PCDH11X: variants seen among roughly 807,000 people sequenced by gnomAD.
PCDH11X encodes protocadherin-11 X-linked.
PCDH11X carries 18 observed loss-of-function variants against 53.3 expected under a neutral mutation model. The ratio of observed to expected loss-of-function variants is 0.34; its 90% CI spans 0.23 to 0.50. PCDH11X has a LOEUF of 0.50. PCDH11X is among the 20% of genes least tolerant of loss of function. The pLI, the probability that PCDH11X is intolerant of heterozygous loss-of-function variation, is 0.98. For synonymous variants in PCDH11X, 279 were observed against 393.3 expected (o/e 0.71, Z 3.44); for missense variants, 570 against 1,032.4 (o/e 0.55, Z 6.14).
Position 92,114,142 on chromosome X carries a change from G to T in PCDH11X, c.3034-87233G>T, listed in dbSNP as rs1014196683. 41 of 1,177,472 alleles carry T rather than the reference G, an allele frequency of 3.5e-5. No individual in the cohort carries two copies. In the African/African-American group the frequency reaches 6.7e-4, roughly 19 times the overall value. ...CTGCTGAGCCAATTCTCGAGTGGGT[G>T]CTAGGACCAAGGCCTGGGTGGCTTT... is the stretch of plus-strand genomic sequence containing the variant. On this transcript the variant is annotated intron_variant, in intron 6 of 10. Coordinates refer to ENST00000682573, the MANE Select transcript of PCDH11X (RefSeq NM_032968.5).
At chrX:92,512,556 A>G (rs1211714086) in intron 10 of PCDH11X, among the ~76,000 whole-genome samples, 20 of 111,831 alleles carry the variant, frequency 1.8e-4, no homozygotes, top group African/African-American at 3.9e-4. Context: ...AATTACTAGA[A>G]GGATACTTAA....
intron 8 of PCDH11X, among the ~76,000 whole-genome samples, chrX:92,292,491 CTT>C (rs1398365466): frequency 1.8e-5 from 2 of 112,029 alleles, no homozygotes; most frequent in Non-Finnish European, 3.8e-5. Flanking sequence ...ATTCAGAAGA[CTT>C]TTAAAATTAG....
At position 92,006,349 on chromosome X, in the gene PCDH11X, T is replaced by C. The variant is rs368263091; in HGVS notation, c.3033+127076T>C. Among the ~76,000 whole-genome samples the C allele has an allele frequency of 1.0e-4, 11 of 106,733 alleles. No homozygotes were observed. In the East Asian group the frequency reaches 3.3e-3, roughly 32 times the overall value. 92.7% of individuals were successfully genotyped at this position (106,733 alleles called of 115,157 possible). On this transcript the variant is annotated intron_variant, in intron 6 of 10. Transcript: ENST00000682573. ...ATTTTCAAATAGCCTGTCTTCAAGCTCAGTAATTCTTTCTTCTGCTTGATC... is the reference window on the plus strand; with the variant it reads ...ATTTTCAAATAGCCTGTCTTCAAGCCCAGTAATTCTTTCTTCTGCTTGATC...
intron 4 of PCDH11X, among the ~76,000 whole-genome samples, chrX:91,819,082 C>T (rs1936546033): frequency 9.0e-6 from 1 of 111,409 alleles, no homozygotes; most frequent in Non-Finnish European, 1.9e-5. Flanking sequence ...GGTTAATGCA[C>T]TTCTTGATTT....
chrX:92,382,967 C>T (rs750480187), intron 8 of PCDH11X, among the ~76,000 whole-genome samples: 1 of 110,661 alleles, frequency 9.0e-6, no homozygotes, highest in Admixed American at 9.6e-5. Context: ...ATTAGCCTTC[C>T]AGATCAGAGG....
In PCDH11X at chrX:92,155,655, C is replaced by T. The variant is rs368277646; in HGVS notation, c.3034-45720C>T. On this transcript the variant is annotated intron_variant, in intron 6 of 10. Transcript: ENST00000682573. ...TTTTTTTTTTTTCCTGAGACAGAGT[C>T]TCGCTCTGTCGCCCAGCCTGGAGTG... Among the ~76,000 whole-genome samples, 16 of 92,242 alleles carry T rather than the reference C, an allele frequency of 1.7e-4. No individual in the cohort carries two copies. The East Asian group carries it at 5.9e-3, about 34-fold the overall frequency. 80.1% of individuals were successfully genotyped at this position (92,242 alleles called of 115,157 possible).
At chrX:92,450,500 C>T (rs2072757081) in intron 9 of PCDH11X, among the ~76,000 whole-genome samples, 1 of 105,618 alleles carries the variant, frequency 9.5e-6, no homozygotes. Context: ...TTATTACATA[C>T]ACTCTACCAA....
chrX:92,618,771 T>G lies in PCDH11X; in HGVS notation c.3875T>G (p.Val1292Gly). ...WVQGADGLCS[V>G]DQGVQGSATS... ...CAAGGTGCTGATGGGCTATGCTCTG[T>G]TGATCAGGGAGTGCAAGGTAGTGCA... is the stretch of plus-strand genomic sequence containing the variant. The change falls in exon 11 of 11, where the codon GTT becomes GGT. Residue 1292 changes from valine to glycine, a missense_variant. Around this residue, in one of 6 missense-constraint regions of PCDH11X, gnomAD observed 234 missense variants for 296.1 expected, o/e 0.79. Transcript: ENST00000682573. 4.1e-6 allele frequency: 5 copies of G among 1,211,893 alleles called. No homozygotes were observed. Among genetic ancestry groups the G allele is most frequent in the Non-Finnish European group, 5.6e-6 (5 of 895,487 alleles).
intron 1 of PCDH11X, among the ~76,000 whole-genome samples, chrX:91,806,174 AT>A (rs762310341): frequency 4.4e-5 from 5 of 113,970 alleles, no homozygotes; most frequent in Middle Eastern, 4.6e-3. Context: ...AGAAATACTC[AT>A]TTTTTTCCTG....
intron 8 of PCDH11X, among the ~76,000 whole-genome samples, chrX:92,331,337 C>CTT (rs1225596364): frequency 0.012 from 383 of 32,951 alleles, no homozygotes; most frequent in East Asian, 0.028. Flanking sequence ...CTTCTTCCTT[C>CTT]CTTCCTTTTC....
At chrX:92,575,284 T>A (rs1055600196) in intron 10 of PCDH11X, among the ~76,000 whole-genome samples, 8 of 110,510 alleles carry the variant, frequency 7.2e-5, no homozygotes, top group African/African-American at 2.6e-4. Context: ...GGCTATGTTT[T>A]ATTTCTATTT....
intron 6 of PCDH11X, among the ~76,000 whole-genome samples, chrX:92,097,029 T>C (rs1311207279): frequency 2.7e-5 from 3 of 112,009 alleles, no homozygotes. Context: ...GATGGTACCA[T>C]TTTAGCTAAT....
chrX:92,033,416 T>G lies in PCDH11X; in HGVS notation c.3033+154143T>G, dbSNP rs768038430. Among the ~76,000 whole-genome samples the G allele has an allele frequency of 9.2e-5, 10 of 108,619 alleles. No individual in the cohort carries two copies. In the East Asian group the frequency reaches 2.9e-3, roughly 31 times the overall value. 94.3% of individuals were successfully genotyped at this position (108,619 alleles called of 115,157 possible). A position where few individuals can be genotyped will look rare whatever the true frequency, so the allele number is the denominator to read the frequency against. On this transcript the variant is annotated intron_variant, in intron 6 of 10. Coordinates refer to ENST00000682573, the MANE Select transcript of PCDH11X (RefSeq NM_032968.5). Reference sequence around the variant, plus strand: ...AAACTTCATATTATTGTTTAGTTCTTATTACTTGTTAGTGGTCTTTTCAGG... The same window carrying G: ...AAACTTCATATTATTGTTTAGTTCTGATTACTTGTTAGTGGTCTTTTCAGG...
At chrX:92,351,074 C>A (rs766580430) in intron 8 of PCDH11X, among the ~76,000 whole-genome samples, 1 of 112,040 alleles carries the variant, frequency 8.9e-6, no homozygotes, top group Non-Finnish European at 1.9e-5. Flanking sequence ...TTCTGAGTAA[C>A]TTCTGTTCAG....
intron 9 of PCDH11X, among the ~76,000 whole-genome samples, chrX:92,439,427 C>T (rs2072462646): frequency 9.0e-6 from 1 of 110,965 alleles, no homozygotes; most frequent in African/African-American, 3.3e-5. Context: ...TAGGATCTTC[C>T]TCCATGTAAT....
At chrX:92,362,607 G>GC (rs2070372660) in intron 8 of PCDH11X, among the ~76,000 whole-genome samples, 1 of 12,603 alleles carries the variant, frequency 7.9e-5, no homozygotes, top group African/African-American at 3.4e-4. Context: ...TCATTCTGAT[G>GC]ATTGTGTTTT....
chrX:92,603,272 C>T (rs1302142302), intron 10 of PCDH11X, among the ~76,000 whole-genome samples: 2 of 107,427 alleles, frequency 1.9e-5, no homozygotes, highest in Non-Finnish European at 3.8e-5. Flanking sequence ...ATATTCAGAT[C>T]TTATTTTTTA....
At chrX:92,498,263 G>A (rs1274884073) in intron 10 of PCDH11X, among the ~76,000 whole-genome samples, 1 of 110,312 alleles carries the variant, frequency 9.1e-6, no homozygotes, top group East Asian at 2.8e-4. Context: ...GTCTTTAGTT[G>A]AGTAACATTA....
At chrX:92,143,432 C>G (rs1316584057) in intron 6 of PCDH11X, among the ~76,000 whole-genome samples, 1 of 112,382 alleles carries the variant, frequency 8.9e-6, no homozygotes, top group Non-Finnish European at 1.9e-5. Context: ...AGCCTAGGGA[C>G]TTGGTGCCCT....
Sources: allele counts gnomAD v4.1 joint callset (sites outside exome capture counted in the v4.1 genomes callset), GRCh38; gene constraint gnomAD v4.1.1; regional missense constraint gnomAD v4.1.1; transcripts MANE v1.5; gene names NCBI Gene and HGNC (gene_info 2026-07-23, HGNC 2026-07-21).